Variants in CBLB observed in about 807,000 individuals in gnomAD.
CBLB encodes the protein E3 ubiquitin-protein ligase CBL-B.
A neutral mutation model predicts 104.9 loss-of-function variants in CBLB; 31 were observed. The ratio of observed to expected loss-of-function variants is 0.30; its 90% CI spans 0.22 to 0.40. CBLB has a LOEUF of 0.40. CBLB is among the 10% of genes least tolerant of loss of function. The pLI, the probability that CBLB is intolerant of heterozygous loss-of-function variation, is 1.00. For synonymous variants in CBLB, 440 were observed against 422.6 expected, an observed-to-expected ratio of 1.04 and a Z score of -0.51; for missense variants, 1,062 against 1,214.6, an observed-to-expected ratio of 0.87 and a Z score of 1.87.
chr3:105,781,817 T>G (rs1306109884), intron 3 of CBLB, among the ~76,000 whole-genome samples: 2 of 152,132 alleles, frequency 1.3e-5, no homozygotes, highest in Non-Finnish European at 2.9e-5. Flanking sequence ...AGGTGATACT[T>G]TTACCCAAAA....
chr3:105,725,850 C>CA (rs1553746917), intron 9 of CBLB, among the ~76,000 whole-genome samples: 3 of 147,380 alleles, frequency 2.0e-5, no homozygotes, highest in Admixed American at 6.8e-5. Flanking sequence ...TTTATTTTAT[C>CA]TTTTTTTTTT....
At chr3:105,697,971 A>G (rs1053652605) in intron 12 of CBLB, among the ~76,000 whole-genome samples, 1 of 152,092 alleles carries the variant, frequency 6.6e-6, no homozygotes, top group African/African-American at 2.4e-5. Context: ...ACAACAATAA[A>G]TATCTAGCCA....
chr3:105,819,420 GA>G (rs1477878026), intron 3 of CBLB, among the ~76,000 whole-genome samples: 3 of 151,780 alleles, frequency 2.0e-5, no homozygotes, highest in Non-Finnish European at 2.9e-5. Flanking sequence ...CCAGGAGGAG[GA>G]AGTTGCAGTG....
At chr3:105,831,638 AATC>A (rs1371932782) in intron 3 of CBLB, among the ~76,000 whole-genome samples, 1 of 152,258 alleles carries the variant, frequency 6.6e-6, no homozygotes, top group Non-Finnish European at 1.5e-5. Context: ...GGAGAAAATA[AATC>A]ATCAGAAAAT....
At chr3:105,679,439 A>G (rs2066047886) in intron 16 of CBLB, among the ~76,000 whole-genome samples, 1 of 152,012 alleles carries the variant, frequency 6.6e-6, no homozygotes, top group Non-Finnish European at 1.5e-5. Flanking sequence ...TAATAATAAA[A>G]ATTCACACTT....
intron 3 of CBLB, among the ~76,000 whole-genome samples, chr3:105,793,929 T>C (rs1415869053): frequency 6.6e-6 from 1 of 152,318 alleles, no homozygotes; most frequent in East Asian, 1.9e-4. Flanking sequence ...TATTCATCTA[T>C]GAATATGAAG....
intron 3 of CBLB, among the ~76,000 whole-genome samples, chr3:105,801,764 T>G (rs1377122774): frequency 1.3e-5 from 2 of 152,140 alleles, no homozygotes; most frequent in African/African-American, 2.4e-5. Flanking sequence ...ACAACAACAA[T>G]GACAAAAAGT....
At chr3:105,863,849 T>G (rs1034782591) in intron 2 of CBLB, among the ~76,000 whole-genome samples, 8 of 152,170 alleles carry the variant, frequency 5.3e-5, no homozygotes, top group Non-Finnish European at 8.8e-5. Flanking sequence ...AGTGCTTTGC[T>G]CTTCAGCATC....
chr3:105,795,415 A>T (rs2082148272), intron 3 of CBLB, among the ~76,000 whole-genome samples: 1 of 152,252 alleles, frequency 6.6e-6, no homozygotes, highest in African/African-American at 2.4e-5. Flanking sequence ...ACTTAGTTAG[A>T]TATGTGGAAA....
intron 3 of CBLB, among the ~76,000 whole-genome samples, chr3:105,811,210 A>C (rs2084248686): frequency 6.6e-6 from 1 of 152,216 alleles, no homozygotes; most frequent in Non-Finnish European, 1.5e-5. Flanking sequence ...AGTTGATAGA[A>C]CTAAATTTTT....
intron 4 of CBLB, among the ~76,000 whole-genome samples, chr3:105,765,017 G>A (rs2078063952): frequency 6.6e-6 from 1 of 152,192 alleles, no homozygotes; most frequent in African/African-American, 2.4e-5. Flanking sequence ...ATTTGTTTAT[G>A]GGGTTTAAGA....
chr3:105,822,152 T>TGC (rs1296945164), intron 3 of CBLB, among the ~76,000 whole-genome samples: 2 of 152,186 alleles, frequency 1.3e-5, no homozygotes, highest in African/African-American at 2.4e-5. Flanking sequence ...ACATATATGG[T>TGC]GCACACACAC....
chr3:105,747,154 G>A (rs2076178091), intron 5 of CBLB, among the ~76,000 whole-genome samples: 1 of 152,188 alleles, frequency 6.6e-6, no homozygotes, highest in Admixed American at 6.5e-5. Context: ...ACTCAAGGGT[G>A]TGGATGAATC....
At chr3:105,670,101 C>A in intron 18 of CBLB, 132 bp downstream of exon 18, 1 of 797,744 alleles carries the variant, frequency 1.3e-6, no homozygotes, top group Non-Finnish European at 2.0e-6. Context: ...AAGCAAAATG[C>A]AATGATGATC....
chr3:105,795,142 G>A (rs1407994771), intron 3 of CBLB, among the ~76,000 whole-genome samples: 1 of 152,102 alleles, frequency 6.6e-6, no homozygotes, highest in East Asian at 1.9e-4. Flanking sequence ...CAGATCTGCT[G>A]ACCTTGTGAT....
At chr3:105,792,222 T>C (rs1197898733) in intron 3 of CBLB, among the ~76,000 whole-genome samples, 1 of 152,214 alleles carries the variant, frequency 6.6e-6, no homozygotes, top group Admixed American at 6.5e-5. Flanking sequence ...CCTTTATTTT[T>C]CATTGCTCTG....
chr3:105,751,376 G>A, intron 5 of CBLB, 86 bp downstream of exon 5: 2 of 902,108 alleles, frequency 2.2e-6, no homozygotes, highest in South Asian at 1.4e-5. Flanking sequence ...GTGTGTGTGA[G>A]AGAGAGACAG....
chr3:105,810,805 T>C (rs944780570), intron 3 of CBLB, among the ~76,000 whole-genome samples: 2 of 152,174 alleles, frequency 1.3e-5, no homozygotes, highest in Non-Finnish European at 2.9e-5. Flanking sequence ...TTTGTACTTC[T>C]TGTTAGGAGT....
intron 5 of CBLB, among the ~76,000 whole-genome samples, chr3:105,748,590 T>C (rs1411826360): frequency 2.0e-5 from 3 of 152,148 alleles, no homozygotes; most frequent in East Asian, 1.9e-4. Flanking sequence ...CCAGGACTAA[T>C]ATTAGCATGT....
Sources: gnomAD v4.1 joint callset for allele counts (sites outside exome capture counted in the v4.1 genomes callset) on GRCh38, gnomAD v4.1.1 for gene constraint, MANE v1.5 for transcripts, NCBI Gene and HGNC (gene_info 2026-07-23, HGNC 2026-07-21) for gene names.